Variants in ANTXR2 observed in about 807,000 individuals in gnomAD.
ANTXR2 encodes ANTXR cell adhesion molecule 2.
Under a neutral mutation model 73.7 loss-of-function variants are expected in ANTXR2, and 44 were observed. The observed-to-expected ratio is 0.60, with a 90% CI of 0.47 to 0.77. The LOEUF is 0.77. Among genes scored for constraint, ANTXR2 ranks in the 30% least tolerant of loss-of-function variants. The pLI is 0.00. For synonymous variants in ANTXR2, 217 were observed against 205.9 expected (o/e 1.05, Z -0.46); for missense variants, 604 against 592.5 (o/e 1.02, Z -0.20).
At chr4:80,059,369 A>G (rs1734140207) in intron 3 of ANTXR2, among the ~76,000 whole-genome samples, 1 of 151,732 alleles carries the variant, frequency 6.6e-6, no homozygotes, top group Non-Finnish European at 1.5e-5. Context: ...GAGGCTTCAT[A>G]TATATTGGAG....
At chr4:79,983,083 A>G (rs959602376) in intron 14 of ANTXR2, among the ~76,000 whole-genome samples, 1 of 152,162 alleles carries the variant, frequency 6.6e-6, no homozygotes, top group Non-Finnish European at 1.5e-5. Flanking sequence ...TGCATAAAAC[A>G]CATTCTAATC....
chr4:80,032,642 G>A (rs1195126147), intron 9 of ANTXR2, among the ~76,000 whole-genome samples: 1 of 151,696 alleles, frequency 6.6e-6, no homozygotes, highest in Admixed American at 6.6e-5. Context: ...AATGGCAGAT[G>A]AATCTAAAAA....
At chr4:79,945,297 A>G (rs907938867) in intron 16 of ANTXR2, among the ~76,000 whole-genome samples, 8 of 152,102 alleles carry the variant, frequency 5.3e-5, no homozygotes, top group Non-Finnish European at 1.0e-4. Context: ...TAGCTAACCT[A>G]ACCCTGGAAT....
rs2109919610 is a variant in ANTXR2 at position 79,904,952 on chromosome 4, T to C, written c.*2477A>G. On this transcript the variant is annotated 3_prime_UTR_variant, in exon 17 of 17. Coordinates refer to ENST00000403729, the MANE Select transcript of ANTXR2 (RefSeq NM_058172.6). Reference sequence around the variant, plus strand: ...CAAATTCTTTTCAACTGCTAGTTAGTATAATTGGAGAAAAGCATAAAACAG... The same window carrying C: ...CAAATTCTTTTCAACTGCTAGTTAGCATAATTGGAGAAAAGCATAAAACAG... The C allele has an allele frequency of 6.6e-6, 1 of 152,262 alleles. No homozygotes were observed. Among genetic ancestry groups the C allele is most frequent in the South Asian group, 2.1e-4 (1 of 4,834 alleles). The allele number at this position is 152,262 out of a possible 1,614,324, so 9.4% of individuals were successfully genotyped here.
chr4:79,960,045 T>C (rs1490929838), intron 16 of ANTXR2, among the ~76,000 whole-genome samples: 1 of 152,170 alleles, frequency 6.6e-6, no homozygotes, highest in Admixed American at 6.6e-5. Flanking sequence ...TTTATTGAAA[T>C]GTTTTACAGA....
intron 16 of ANTXR2, among the ~76,000 whole-genome samples, chr4:79,961,052 G>C (rs1560909572): frequency 1.3e-5 from 2 of 151,852 alleles, no homozygotes; most frequent in African/African-American, 4.8e-5. Context: ...AGACACAAAG[G>C]CACCATCATA....
At chr4:80,035,197 C>T (rs953227095) in intron 8 of ANTXR2, among the ~76,000 whole-genome samples, 3 of 152,046 alleles carry the variant, frequency 2.0e-5, no homozygotes, top group Admixed American at 2.0e-4. Flanking sequence ...AATGTATTAA[C>T]CTTCACTGTT....
intron 2 of ANTXR2, among the ~76,000 whole-genome samples, chr4:80,070,041 C>T (rs766018903): frequency 5.3e-5 from 8 of 152,166 alleles, no homozygotes; most frequent in Non-Finnish European, 1.2e-4. Flanking sequence ...TTTTCTAAGT[C>T]TCAAACATGC....
chr4:79,975,519 G>A (rs1341305520), intron 16 of ANTXR2, among the ~76,000 whole-genome samples: 1 of 152,198 alleles, frequency 6.6e-6, no homozygotes, highest in Non-Finnish European at 1.5e-5. Flanking sequence ...ATTAGCAAGA[G>A]AACTGAGACC....
At chr4:79,910,925 C>A (rs1727107902) in intron 16 of ANTXR2, among the ~76,000 whole-genome samples, 1 of 152,182 alleles carries the variant, frequency 6.6e-6, no homozygotes, top group South Asian at 2.1e-4. Flanking sequence ...CATTAGGAGT[C>A]TTACTTCCAG....
At chr4:80,060,316 T>G (rs1192061486) in intron 3 of ANTXR2, among the ~76,000 whole-genome samples, 1 of 152,188 alleles carries the variant, frequency 6.6e-6, no homozygotes, top group Non-Finnish European at 1.5e-5. Context: ...GGGTTATCAC[T>G]GGCCTTTGAA....
At chr4:80,003,048 A>G (rs1578145393) in intron 12 of ANTXR2, among the ~76,000 whole-genome samples, 1 of 148,676 alleles carries the variant, frequency 6.7e-6, no homozygotes, top group African/African-American at 2.4e-5. Context: ...TGACCCAGCC[A>G]TCCCATTACT....
chr4:80,021,020 G>T (rs913214450), intron 10 of ANTXR2, among the ~76,000 whole-genome samples: 2 of 151,612 alleles, frequency 1.3e-5, no homozygotes, highest in African/African-American at 4.8e-5. Flanking sequence ...ATGGTGGCAC[G>T]TGCCTGTAAT....
chr4:80,069,066 G>T (rs1321457848), intron 3 of ANTXR2, among the ~76,000 whole-genome samples: 1 of 152,074 alleles, frequency 6.6e-6, no homozygotes, highest in Non-Finnish European at 1.5e-5. Context: ...TATCCAAAAG[G>T]ATCCATATCT....
intron 16 of ANTXR2, among the ~76,000 whole-genome samples, chr4:79,915,866 A>C (rs1324483287): frequency 8.8e-4 from 130 of 147,108 alleles, no homozygotes; most frequent in African/African-American, 1.3e-3. Flanking sequence ...CTCTCTCTAT[A>C]TATATATATA....
At chr4:79,957,195 A>C (rs1007475423) in intron 16 of ANTXR2, among the ~76,000 whole-genome samples, 1 of 152,142 alleles carries the variant, frequency 6.6e-6, no homozygotes, top group Non-Finnish European at 1.5e-5. Flanking sequence ...ACCCTCCAAG[A>C]GTCTAATTCT....
At chr4:79,911,506 T>C (rs928009015) in intron 16 of ANTXR2, among the ~76,000 whole-genome samples, 3 of 151,814 alleles carry the variant, frequency 2.0e-5, no homozygotes. Context: ...TATTTTATTC[T>C]CTATATAGAG....
At chr4:80,013,991 C>A (rs1296015767) in intron 11 of ANTXR2, among the ~76,000 whole-genome samples, 1 of 152,154 alleles carries the variant, frequency 6.6e-6, no homozygotes, top group Admixed American at 6.5e-5. Flanking sequence ...GGGGAGATCA[C>A]CGGTGACCCC....
intron 16 of ANTXR2, among the ~76,000 whole-genome samples, chr4:79,966,699 G>A (rs1729379462): frequency 2.0e-5 from 3 of 152,010 alleles, no homozygotes; most frequent in Non-Finnish European, 4.4e-5. Flanking sequence ...ACTGCCCCAT[G>A]CAAATATGAT....
Sources: allele counts gnomAD v4.1 joint callset (sites outside exome capture counted in the v4.1 genomes callset), GRCh38; gene constraint gnomAD v4.1.1; transcripts MANE v1.5; gene names NCBI Gene and HGNC (gene_info 2026-07-23, HGNC 2026-07-21).